ANKS1B: variants seen among roughly 807,000 people sequenced by gnomAD.
ANKS1B encodes the protein ankyrin repeat and sterile alpha motif domain containing 1B, also known as ankyrin repeat and sterile alpha motif domain-containing protein 1B.
Under a neutral mutation model 148.3 loss-of-function variants are expected in ANKS1B, and 36 were observed. The ratio of observed to expected loss-of-function variants is 0.24; its 90% CI spans 0.19 to 0.32. The LOEUF (loss-of-function observed/expected upper bound fraction) is 0.32, where lower values mean the gene tolerates loss of function less well. ANKS1B is among the 10% of genes least tolerant of loss of function. ANKS1B has a pLI of 1.00. For synonymous variants in ANKS1B, 542 were observed against 560.8 expected (o/e 0.97, Z 0.47); for missense variants, 1,157 against 1,542.6 (o/e 0.75, Z 4.19).
intron 1 of ANKS1B, among the ~76,000 whole-genome samples, chr12:99,861,351 A>G (rs542809382): frequency 2.4e-4 from 37 of 152,374 alleles, no homozygotes; most frequent in African/African-American, 7.5e-4. Flanking sequence ...ATTCCCTTGT[A>G]CAGTAAATCA....
chr12:99,029,619 T>C (rs1052645069), intron 17 of ANKS1B, among the ~76,000 whole-genome samples: 1 of 152,232 alleles, frequency 6.6e-6, no homozygotes, highest in Non-Finnish European at 1.5e-5. Flanking sequence ...GGAAGCCTCT[T>C]CCACAGGAAA....
At chr12:99,141,745 C>T (rs896865227) in intron 15 of ANKS1B, among the ~76,000 whole-genome samples, 6 of 151,934 alleles carry the variant, frequency 3.9e-5, no homozygotes, top group East Asian at 1.9e-4. Flanking sequence ...CACATCCCTG[C>T]GGAGAACATG....
At chr12:99,215,874 G>C (rs556439700) in intron 14 of ANKS1B, among the ~76,000 whole-genome samples, 2 of 152,284 alleles carry the variant, frequency 1.3e-5, no homozygotes, top group East Asian at 3.9e-4. Context: ...AAGACTTTGG[G>C]GAACTGTTGG....
chr12:99,484,146 T>G lies in ANKS1B; in HGVS notation c.1438+20330A>C, dbSNP rs141322748. On this transcript the variant is annotated intron_variant, in intron 10 of 26. Coordinates refer to ENST00000683438, the MANE Select transcript of ANKS1B (RefSeq NM_001352186.2). ...TGTGGGCATTGAGCACTATAAACTT[T>G]CCTTTAGCACTGCTGTTGCTGTATC... Among the ~76,000 whole-genome samples, 8 of 152,098 alleles carry G rather than the reference T, an allele frequency of 5.3e-5. No homozygotes were observed. In the East Asian group the frequency reaches 1.5e-3, roughly 29 times the overall value.
intron 14 of ANKS1B, among the ~76,000 whole-genome samples, chr12:99,243,613 A>T (rs1428383410): frequency 6.6e-6 from 1 of 152,224 alleles, no homozygotes; most frequent in African/African-American, 2.4e-5. Flanking sequence ...AATAGCAAAG[A>T]CTTGGAACCA....
chr12:98,875,420 T>C (rs1322885867), intron 17 of ANKS1B, among the ~76,000 whole-genome samples: 1 of 152,170 alleles, frequency 6.6e-6, no homozygotes, highest in Non-Finnish European at 1.5e-5. Flanking sequence ...CCTTCTGATC[T>C]CTTTAGCTCC....
intron 17 of ANKS1B, among the ~76,000 whole-genome samples, chr12:99,003,329 A>G (rs940432789): frequency 2.6e-5 from 4 of 152,138 alleles, no homozygotes; most frequent in Non-Finnish European, 4.4e-5. Flanking sequence ...TTGTATTTCC[A>G]TATAAATTTT....
chr12:99,688,881 A>T (rs902659175), intron 8 of ANKS1B, among the ~76,000 whole-genome samples: 7 of 109,382 alleles, frequency 6.4e-5, no homozygotes, highest in Non-Finnish European at 7.3e-5. Context: ...TGCTAAATTT[A>T]AAAAAAAAAA....
At position 98,829,258 on chromosome 12, in the gene ANKS1B, G is replaced by T; in HGVS notation, c.2982C>A (p.Ile994=). 2 of 1,614,022 alleles carry T rather than the reference G, an allele frequency of 1.2e-6. No individual in the cohort carries two copies. Among genetic ancestry groups the T allele is most frequent in the Non-Finnish European group, 1.7e-6 (2 of 1,179,872 alleles). Residue 994 remains isoleucine (I), a synonymous_variant, in exon 19 of 27, where the codon ATC becomes ATA. Coordinates refer to ENST00000683438, the MANE Select transcript of ANKS1B (RefSeq NM_001352186.2). The surrounding 1 kb of genome is among the most constrained non-coding windows in gnomAD (Gnocchi z 5.2). ...TTCTCCTCCTTGCATCGCCCTGCATGATAATGTGAGGAACGTCTAGGGAGC... is the reference window on the plus strand; with the variant it reads ...TTCTCCTCCTTGCATCGCCCTGCATTATAATGTGAGGAACGTCTAGGGAGC... ...TGGSLDVPHI[I]MQGDARRRRN...
chr12:98,894,839 TGCGCC>T (rs1335541454), intron 17 of ANKS1B: 1 of 981,480 alleles, frequency 1.0e-6, no homozygotes, highest in Non-Finnish European at 1.2e-6. Context: ...CGCGCCGCGC[TGCGCC>T]GAGCGCCGGG....
At chr12:99,574,361 C>A (rs949650265) in intron 9 of ANKS1B, among the ~76,000 whole-genome samples, 14 of 151,934 alleles carry the variant, frequency 9.2e-5, no homozygotes, top group Admixed American at 5.9e-4. Flanking sequence ...TGGATAAAAT[C>A]TTCAATAGTA....
intron 8 of ANKS1B, among the ~76,000 whole-genome samples, chr12:99,667,387 G>A (rs2098514481): frequency 7.8e-6 from 1 of 128,694 alleles, no homozygotes; most frequent in African/African-American, 3.2e-5. Context: ...AGAAAACCCT[G>A]AATTTTCAGT....
chr12:99,245,778 A>C (rs2090133787), intron 13 of ANKS1B, among the ~76,000 whole-genome samples: 2 of 152,230 alleles, frequency 1.3e-5, no homozygotes, highest in Admixed American at 1.3e-4. Flanking sequence ...ATAGCTGCAA[A>C]AGGGAAATAT....
intron 17 of ANKS1B, among the ~76,000 whole-genome samples, chr12:98,988,126 C>T (rs1280069028): frequency 6.6e-6 from 1 of 152,146 alleles, no homozygotes; most frequent in Non-Finnish European, 1.5e-5. Flanking sequence ...GAACACTTTA[C>T]TTATACTTTC....
chr12:99,881,761 T>G (rs1294925451), intron 1 of ANKS1B, among the ~76,000 whole-genome samples: 1 of 152,218 alleles, frequency 6.6e-6, no homozygotes, highest in East Asian at 1.9e-4. Context: ...CACAAGCCAC[T>G]GAAGGCTGAT....
chr12:99,094,798 T>C (rs2055348744), intron 15 of ANKS1B, among the ~76,000 whole-genome samples: 1 of 152,142 alleles, frequency 6.6e-6, no homozygotes, highest in South Asian at 2.1e-4. Flanking sequence ...CAGACTCTGA[T>C]AAGGACTTTG....
chr12:99,957,206 C>T (rs1236260990), intron 1 of ANKS1B, among the ~76,000 whole-genome samples: 1 of 152,194 alleles, frequency 6.6e-6, no homozygotes, highest in East Asian at 1.9e-4. Context: ...ATCCTAGCTT[C>T]TCCTTTTAGC....
chr12:99,464,374 A>G (rs1010985441), intron 10 of ANKS1B, among the ~76,000 whole-genome samples: 1 of 152,192 alleles, frequency 6.6e-6, no homozygotes, highest in African/African-American at 2.4e-5. Context: ...AAACCCTAAA[A>G]AGCAGAGCAC....
intron 17 of ANKS1B, among the ~76,000 whole-genome samples, chr12:98,957,308 TAAATATTTATTTATTTA>T (rs2099863893): frequency 7.0e-6 from 1 of 142,486 alleles, no homozygotes; most frequent in Non-Finnish European, 1.5e-5. Context: ...GGATTTTTTT[TAAATATTTATTTATTTA>T]TTTATTTATT....
Sources: gnomAD v4.1 joint callset for allele counts (sites outside exome capture counted in the v4.1 genomes callset) on GRCh38, gnomAD v4.1.1 for gene constraint, Gnocchi (gnomAD v3.1) non-coding constraint, MANE v1.5 for transcripts, NCBI Gene and HGNC (gene_info 2026-07-23, HGNC 2026-07-21) for gene names.